The following BCAR3 variants were observed in gnomAD, a reference collection of about 807,000 sequenced individuals.
BCAR3 encodes breast cancer anti-estrogen resistance protein 3.
Under a neutral mutation model 80.1 loss-of-function variants are expected in BCAR3, and 37 were observed. That is an observed-to-expected ratio of 0.46 (90% CI 0.36 to 0.61). The LOEUF (loss-of-function observed/expected upper bound fraction) is 0.61. BCAR3 is among the 20% of genes least tolerant of loss of function. BCAR3 has a pLI of 0.00. For synonymous variants in BCAR3, 389 were observed against 418.9 expected, an observed-to-expected ratio of 0.93 and a Z score of 0.87; for missense variants, 978 against 1,068.2, an observed-to-expected ratio of 0.92 and a Z score of 1.18.
At chr1:93,658,503 T>C (rs1647496732) in intron 2 of BCAR3, among the ~76,000 whole-genome samples, 2 of 151,482 alleles carry the variant, frequency 1.3e-5, no homozygotes, top group Admixed American at 6.6e-5. Flanking sequence ...AATACAAAAA[T>C]TAGCTGGGCA....
At chr1:93,796,886 T>C (rs988616819) in intron 2 of BCAR3, among the ~76,000 whole-genome samples, 1 of 152,216 alleles carries the variant, frequency 6.6e-6, no homozygotes, top group African/African-American at 2.4e-5. Context: ...TATGGTTCCA[T>C]CAACTGCCTG....
intron 2 of BCAR3, among the ~76,000 whole-genome samples, chr1:93,643,618 T>C (rs1307493159): frequency 7.2e-6 from 1 of 139,848 alleles, no homozygotes; most frequent in Non-Finnish European, 1.5e-5. Flanking sequence ...ACAGTAGTTA[T>C]GGGGATGGGG....
In BCAR3 at chr1:93,582,366, T is replaced by C. The variant is rs1185616705; in HGVS notation, c.1621A>G (p.Lys541Glu). 6.2e-7 allele frequency: 1 copy of C among 1,614,188 alleles called. No homozygotes were observed. The highest frequency in any genetic ancestry group is 8.5e-7 in the Non-Finnish European group (1 of 1,180,034). ...PLETAMLKRA[K>E]ELFTNNDPKV... ...GGGTCGTTGTTGGTGAACAGTTCTTTTGCACGTTTCAACATTGCTGTTTCC... is the reference window on the plus strand; with the variant it reads ...GGGTCGTTGTTGGTGAACAGTTCTTCTGCACGTTTCAACATTGCTGTTTCC... Residue 541 changes from lysine (K) to glutamate (E), a missense_variant, in exon 7 of 12, where the codon AAA becomes GAA. Lys to Glu is a moderately conservative substitution (Grantham distance 56). Transcript: ENST00000260502.
At chr1:93,600,759 G>A (rs1206841880) in intron 3 of BCAR3, 1 of 152,302 alleles carries the variant, frequency 6.6e-6, no homozygotes, top group Non-Finnish European at 1.5e-5. Flanking sequence ...CACATCTGTA[G>A]AGGTACACGG....
chr1:93,688,065 C>T (rs997126495), intron 3 of BCAR3, among the ~76,000 whole-genome samples: 3 of 152,100 alleles, frequency 2.0e-5, no homozygotes, highest in African/African-American at 7.2e-5. Flanking sequence ...GAAGTCTTAC[C>T]CTCTAGGTGC....
intron 2 of BCAR3, 21 bp from the exon 3 acceptor site, chr1:93,642,364 T>TA: frequency 6.2e-7 from 1 of 1,605,788 alleles, no homozygotes; most frequent in Non-Finnish European, 8.5e-7. Context: ...AAAATATAAA[T>TA]ATGAGAATGG....
At chr1:93,796,392 A>G (rs1470439384) in intron 2 of BCAR3, among the ~76,000 whole-genome samples, 1 of 144,256 alleles carries the variant, frequency 6.9e-6, no homozygotes, top group African/African-American at 2.8e-5. Context: ...GAAAAGCGCA[A>G]TATTCGGGTG....
At chr1:93,786,947 T>G (rs182068262) in intron 2 of BCAR3, among the ~76,000 whole-genome samples, 1 of 152,356 alleles carries the variant, frequency 6.6e-6, no homozygotes, top group East Asian at 1.9e-4. Flanking sequence ...CACTGTCCCC[T>G]GCAGCTAACT....
At chr1:93,778,521 T>TC (rs1652652538) in intron 2 of BCAR3, among the ~76,000 whole-genome samples, 1 of 151,636 alleles carries the variant, frequency 6.6e-6, no homozygotes, top group Non-Finnish European at 1.5e-5. Context: ...AATCATGGAG[T>TC]CCTTTTTTTT....
chr1:93,708,538 C>T (rs116219876), intron 2 of BCAR3, among the ~76,000 whole-genome samples: 113 of 152,272 alleles, frequency 7.4e-4, no homozygotes, highest in African/African-American at 2.6e-3. Flanking sequence ...CCCCAGTGTC[C>T]CATTACTCTC....
At chr1:93,664,338 C>T (rs959142750) in intron 2 of BCAR3, among the ~76,000 whole-genome samples, 2 of 152,162 alleles carry the variant, frequency 1.3e-5, no homozygotes, top group Admixed American at 6.5e-5. Context: ...AGGCTTGTCT[C>T]GAACTCCTGA....
chr1:93,593,351 A>C (rs1441156415), intron 3 of BCAR3, among the ~76,000 whole-genome samples: 1 of 152,172 alleles, frequency 6.6e-6, no homozygotes, highest in Non-Finnish European at 1.5e-5. Flanking sequence ...CTACTTTTTA[A>C]AAATGTTTAT....
chr1:93,707,577 C>T (rs942789557), intron 2 of BCAR3, among the ~76,000 whole-genome samples: 1 of 151,674 alleles, frequency 6.6e-6, no homozygotes, highest in Non-Finnish European at 1.5e-5. Context: ...TGTGGTGGCG[C>T]GTGCCTGTAA....
intron 2 of BCAR3, among the ~76,000 whole-genome samples, chr1:93,731,292 C>T (rs1294894283): frequency 6.6e-6 from 1 of 152,148 alleles, no homozygotes; most frequent in Non-Finnish European, 1.5e-5. Flanking sequence ...GTATAATGTA[C>T]CAGTATTGGT....
intron 2 of BCAR3, among the ~76,000 whole-genome samples, chr1:93,765,464 T>C (rs1243609252): frequency 2.0e-5 from 3 of 152,164 alleles, no homozygotes; most frequent in African/African-American, 7.2e-5. Context: ...TAAACTACTC[T>C]ACTGAGATAT....
At chr1:93,721,729 T>C (rs1057326224) in intron 2 of BCAR3, among the ~76,000 whole-genome samples, 3 of 152,226 alleles carry the variant, frequency 2.0e-5, no homozygotes, top group African/African-American at 7.2e-5. Context: ...GGAGCTGTTC[T>C]TTCTGAGCCT....
At chr1:93,571,928 T>C (rs1673235604) in intron 8 of BCAR3, 87 bp from the exon 9 acceptor site, 2 of 1,437,904 alleles carry the variant, frequency 1.4e-6, no homozygotes, top group African/African-American at 1.4e-5. Flanking sequence ...AGGGCTGTTT[T>C]TGTGCCATTT....
chr1:93,656,174 G>A (rs1408924882), intron 2 of BCAR3, among the ~76,000 whole-genome samples: 1 of 151,902 alleles, frequency 6.6e-6, no homozygotes. Flanking sequence ...GTCTTTGGTG[G>A]TCTAGTTTTA....
intron 3 of BCAR3, among the ~76,000 whole-genome samples, chr1:93,697,368 G>A (rs1014329626): frequency 3.9e-5 from 6 of 152,218 alleles, no homozygotes; most frequent in Non-Finnish European, 7.3e-5. Context: ...GCCCACCTCA[G>A]GCATCCTGAG....
Sources: gnomAD v4.1 joint callset for allele counts (sites outside exome capture counted in the v4.1 genomes callset) on GRCh38, gnomAD v4.1.1 for gene constraint, MANE v1.5 for transcripts, NCBI Gene and HGNC (gene_info 2026-07-23, HGNC 2026-07-21) for gene names.